Variants in PUM3 observed in about 807,000 individuals in gnomAD.
PUM3 encodes the protein pumilio homolog 3.
PUM3 carries 91 observed loss-of-function variants against 84.0 expected under a neutral mutation model. That is an observed-to-expected ratio of 1.08 (90% CI 0.91 to 1.29). PUM3 has a LOEUF of 1.29. Ranked by LOEUF, PUM3 falls within the 50% of genes most tolerant of loss-of-function variation. The pLI is 0.00. For synonymous variants in PUM3, 321 were observed against 266.7 expected (o/e 1.20, Z -1.98); for missense variants, 1,067 against 767.5 (o/e 1.39, Z -4.61).
intron 13 of PUM3, among the ~76,000 whole-genome samples, chr9:2,813,214 C>T (rs567606010): frequency 5.9e-5 from 9 of 152,190 alleles, no homozygotes; most frequent in African/African-American, 1.2e-4. Context: ...ACAAAAGCAA[C>T]GTCATCCCCA....
chr9:2,830,699 T>C (rs1276979318), intron 7 of PUM3, among the ~76,000 whole-genome samples: 1 of 152,180 alleles, frequency 6.6e-6, no homozygotes, highest in Non-Finnish European at 1.5e-5. Flanking sequence ...AGGGTATACC[T>C]CCATCAAAGT....
intron 11 of PUM3, among the ~76,000 whole-genome samples, chr9:2,824,339 T>C (rs902430459): frequency 7.2e-5 from 11 of 152,200 alleles, no homozygotes; most frequent in Admixed American, 5.2e-4. Flanking sequence ...ATAACACCTA[T>C]GGGAGCAAAT....
chr9:2,836,994 A>T (rs1425651319), intron 3 of PUM3, among the ~76,000 whole-genome samples, 186 bp downstream of exon 3: 1 of 152,228 alleles, frequency 6.6e-6, no homozygotes, highest in East Asian at 1.9e-4. Context: ...GCTAAGAAAT[A>T]AGAAACTCTA....
intron 1 of PUM3, among the ~76,000 whole-genome samples, chr9:2,842,004 T>A (rs533980055): frequency 6.6e-6 from 1 of 152,300 alleles, no homozygotes; most frequent in Non-Finnish European, 1.5e-5. Flanking sequence ...ATTCAACTCC[T>A]TCCCTCTTTC....
At chr9:2,814,536 T>C (rs1041261297) in intron 13 of PUM3, among the ~76,000 whole-genome samples, 2 of 152,160 alleles carry the variant, frequency 1.3e-5, no homozygotes, top group Admixed American at 1.3e-4. Context: ...GATAATGAAG[T>C]GTTTAGTGCC....
intron 12 of PUM3, among the ~76,000 whole-genome samples, chr9:2,822,417 A>G: frequency 6.6e-6 from 1 of 152,042 alleles, no homozygotes; most frequent in South Asian, 2.1e-4. Context: ...TTGGAAATTA[A>G]TAATTCCAAA....
chr9:2,807,748 A>G, intron 17 of PUM3, 66 bp downstream of exon 17: 1 of 997,190 alleles, frequency 1.0e-6, no homozygotes, highest in Non-Finnish European at 1.6e-6. Context: ...TGAGAAATCA[A>G]CGTGAAGGAA....
intron 13 of PUM3, 88 bp from the exon 14 acceptor site, chr9:2,812,450 A>T (rs1204203230): frequency 2.2e-6 from 2 of 899,924 alleles, no homozygotes; most frequent in African/African-American, 1.7e-5. Context: ...TTTGCCATTT[A>T]CTATGCTAAG....
chr9:2,837,948 A>G (rs949802411), intron 2 of PUM3, among the ~76,000 whole-genome samples: 4 of 152,234 alleles, frequency 2.6e-5, no homozygotes, highest in South Asian at 2.1e-4. Flanking sequence ...CTTACAAATT[A>G]GTACCTAACA....
At chr9:2,804,665 G>A (rs986229779) in intron 17 of PUM3, among the ~76,000 whole-genome samples, 9 of 152,132 alleles carry the variant, frequency 5.9e-5, no homozygotes, top group African/African-American at 2.2e-4. Context: ...GAATCTTGCT[G>A]GTGGAGTCAC....
At chr9:2,824,364 GTT>G (rs1162256192) in intron 11 of PUM3, among the ~76,000 whole-genome samples, 1 of 152,136 alleles carries the variant, frequency 6.6e-6, no homozygotes, top group East Asian at 1.9e-4. Context: ...GTGGCCAGCT[GTT>G]TGTTATCTCT....
intron 7 of PUM3, 25 bp downstream of exon 7, chr9:2,830,937 G>A (rs376016576): frequency 3.5e-6 from 4 of 1,148,126 alleles, no homozygotes; most frequent in African/African-American, 3.1e-5. Flanking sequence ...AAGAAAAAAT[G>A]TATTTTATAC....
chr9:2,818,169 G>A (rs73377839), intron 13 of PUM3, among the ~76,000 whole-genome samples: 2,809 of 152,294 alleles, frequency 0.018, 78 homozygotes, highest in African/African-American at 0.065. Context: ...TGAGTGATGG[G>A]AAAAATCCAA....
At chr9:2,841,417 T>C (rs903626366) in intron 1 of PUM3, among the ~76,000 whole-genome samples, 2 of 152,048 alleles carry the variant, frequency 1.3e-5, no homozygotes, top group African/African-American at 4.8e-5. Flanking sequence ...ATACAAAATT[T>C]AGCTGGGCAT....
intron 1 of PUM3, among the ~76,000 whole-genome samples, chr9:2,843,645 C>G (rs1030294777): frequency 2.9e-5 from 4 of 136,954 alleles, no homozygotes; most frequent in African/African-American, 5.6e-5. Context: ...GTGGCACGAT[C>G]TTGGCTCACT....
At position 2,812,234 on chromosome 9, in the gene PUM3, A is replaced by G. The variant is rs553432225; in HGVS notation, c.1398T>C (p.Asp466=). The G allele has an allele frequency of 1.4e-5, 23 of 1,613,662 alleles. No homozygotes were observed. Among genetic ancestry groups the G allele is most frequent in the Non-Finnish European group, 1.8e-5 (21 of 1,179,784 alleles). Residue 466 remains aspartate, a synonymous_variant, in exon 14 of 18, where the codon GAT becomes GAC. Transcript: ENST00000397885. ...REIIEVLQKG[D]GNAHSKKDTE... ...CTTGGTTTTACCTGTGTGCATTTCC[A>G]TCTCCTTTTTGCAGAACTTCAATGA...
intron 16 of PUM3, 66 bp from the exon 17 acceptor site, chr9:2,807,970 T>C: frequency 1.0e-6 from 1 of 984,002 alleles, no homozygotes; most frequent in Non-Finnish European, 1.6e-6. Context: ...CCCCCTTCTC[T>C]ACTGCCCTTA....
intron 13 of PUM3, among the ~76,000 whole-genome samples, chr9:2,815,469 A>ATC (rs1821451532): frequency 6.6e-6 from 1 of 152,292 alleles, no homozygotes; most frequent in East Asian, 1.9e-4. Context: ...GGCATAGTTG[A>ATC]TTTTGTGCAG....
intron 3 of PUM3, among the ~76,000 whole-genome samples, chr9:2,836,396 G>A (rs1479659983): frequency 1.3e-5 from 2 of 152,192 alleles, no homozygotes; most frequent in Non-Finnish European, 1.5e-5. Context: ...CTGCTTGTTT[G>A]AGATCAGTGC....
Sources: gnomAD v4.1 joint callset for allele counts (sites outside exome capture counted in the v4.1 genomes callset) on GRCh38, gnomAD v4.1.1 for gene constraint, MANE v1.5 for transcripts, NCBI Gene and HGNC (gene_info 2026-07-23, HGNC 2026-07-21) for gene names.